FRAS1: variants seen among roughly 807,000 people sequenced by gnomAD.
The protein encoded by FRAS1 is Fraser extracellular matrix complex subunit 1.
In FRAS1, 290 loss-of-function variants were observed where a neutral mutation model predicts 435.2. The observed-to-expected ratio is 0.67, with a 90% CI of 0.61 to 0.73. FRAS1 has a LOEUF of 0.73. FRAS1 is among the 30% of genes least tolerant of loss of function. The pLI is 0.00. For synonymous variants in FRAS1, 1,800 were observed against 1,851.0 expected, an observed-to-expected ratio of 0.97 and a Z score of 0.71; for missense variants, 4,860 against 5,001.5, an observed-to-expected ratio of 0.97 and a Z score of 0.85.
chr4:78,449,675 C>G (rs79839398), intron 44 of FRAS1, among the ~76,000 whole-genome samples: 3,941 of 152,236 alleles, frequency 0.026, 172 homozygotes, highest in African/African-American at 0.09. Flanking sequence ...ATCCTCTGTC[C>G]TGAAGGATGC....
Position 78,541,138 on chromosome 4 carries a change from T to C in FRAS1, c.*14T>C. 7.6e-7 allele frequency: 1 copy of C among 1,309,016 alleles called. No homozygotes were observed. Among genetic ancestry groups the C allele is most frequent in the African/African-American group, 1.5e-5 (1 of 67,054 alleles). The allele number at this position is 1,309,016 out of a possible 1,614,324, so 81.1% of individuals were successfully genotyped here. On this transcript the variant is annotated 3_prime_UTR_variant, in exon 74 of 74. Coordinates refer to ENST00000512123, the MANE Select transcript of FRAS1 (RefSeq NM_025074.7). ...ACAGAAGTTTAATGGAGGAGACCTATGTGTATTTTTTTCTAAAATCATTTT... is the reference window on the plus strand; with the variant it reads ...ACAGAAGTTTAATGGAGGAGACCTACGTGTATTTTTTTCTAAAATCATTTT...
chr4:78,454,930 G>A (rs1368893342), intron 47 of FRAS1, among the ~76,000 whole-genome samples: 1 of 152,182 alleles, frequency 6.6e-6, no homozygotes, highest in Non-Finnish European at 1.5e-5. Context: ...CCTCCTCCTG[G>A]AACAGCACCC....
chr4:78,526,764 G>C (rs1721546235), intron 70 of FRAS1, 107 bp downstream of exon 70: 1 of 691,540 alleles, frequency 1.4e-6, no homozygotes, highest in Non-Finnish European at 2.4e-6. Context: ...TGCTTTCATA[G>C]TCATTCACTG....
At chr4:78,490,624 T>C (rs1560410351) in intron 59 of FRAS1, among the ~76,000 whole-genome samples, 1 of 152,108 alleles carries the variant, frequency 6.6e-6, no homozygotes, top group Non-Finnish European at 1.5e-5. Flanking sequence ...AAACACAACA[T>C]ACCAGAATCC....
chr4:78,434,169 A>G (rs1734324193), intron 38 of FRAS1, among the ~76,000 whole-genome samples: 3 of 152,224 alleles, frequency 2.0e-5, no homozygotes, highest in Non-Finnish European at 1.5e-5. Flanking sequence ...GGGGCAGAGT[A>G]TAAAGGTTTA....
chr4:78,247,504 T>C (rs1179443671), intron 4 of FRAS1, among the ~76,000 whole-genome samples: 2 of 152,150 alleles, frequency 1.3e-5, no homozygotes, highest in Non-Finnish European at 2.9e-5. Flanking sequence ...AAAATAATTA[T>C]GTTTCTTGTC....
At chr4:78,217,734 C>T (rs1027868560) in intron 2 of FRAS1, among the ~76,000 whole-genome samples, 8 of 151,926 alleles carry the variant, frequency 5.3e-5, no homozygotes, top group South Asian at 2.1e-4. Flanking sequence ...ATTCAATGGA[C>T]GGTAGCTATG....
intron 18 of FRAS1, among the ~76,000 whole-genome samples, chr4:78,331,941 G>A (rs913239467): frequency 6.6e-6 from 1 of 152,160 alleles, no homozygotes; most frequent in Non-Finnish European, 1.5e-5. Flanking sequence ...GCACCTCATA[G>A]CATAAAAGGC....
At chr4:78,300,760 T>A (rs1728351234) in intron 14 of FRAS1, among the ~76,000 whole-genome samples, 1 of 152,098 alleles carries the variant, frequency 6.6e-6, no homozygotes, top group African/African-American at 2.4e-5. Flanking sequence ...CAGCCATGAT[T>A]CATGCCATGG....
At chr4:78,370,957 C>T (rs1429114314) in intron 23 of FRAS1, among the ~76,000 whole-genome samples, 2 of 152,154 alleles carry the variant, frequency 1.3e-5, no homozygotes, top group Non-Finnish European at 2.9e-5. Flanking sequence ...GGTGGTCAAA[C>T]ATCTGTCAAG....
intron 51 of FRAS1, 107 bp from the exon 52 acceptor site, chr4:78,472,073 A>G (rs1719724951): frequency 8.5e-7 from 1 of 1,173,768 alleles, no homozygotes; most frequent in Non-Finnish European, 1.2e-6. Context: ...CCATGCAGTA[A>G]ATACACTCAG....
At chr4:78,241,737 G>A (rs1725011546) in intron 3 of FRAS1, among the ~76,000 whole-genome samples, 1 of 152,152 alleles carries the variant, frequency 6.6e-6, no homozygotes, top group South Asian at 2.1e-4. Flanking sequence ...AAACCAGGAG[G>A]CCCAGGTTCA....
intron 72 of FRAS1, among the ~76,000 whole-genome samples, chr4:78,538,880 A>G (rs1036482920): frequency 2.0e-5 from 3 of 151,424 alleles, no homozygotes; most frequent in Admixed American, 6.6e-5. Flanking sequence ...GCATGAACCC[A>G]GGAGGTGGAG....
At chr4:78,258,141 G>A (rs573010374) in intron 6 of FRAS1, among the ~76,000 whole-genome samples, 1 of 152,154 alleles carries the variant, frequency 6.6e-6, no homozygotes, top group South Asian at 2.1e-4. Flanking sequence ...AGGAGTTCGA[G>A]ACCATCCTGG....
chr4:78,409,701 C>T (rs1490896597), intron 31 of FRAS1, among the ~76,000 whole-genome samples: 1 of 151,972 alleles, frequency 6.6e-6, no homozygotes, highest in Non-Finnish European at 1.5e-5. Context: ...GCACAGATAC[C>T]AAGAAGAATT....
intron 2 of FRAS1, chr4:78,180,982 C>T: frequency 1.9e-6 from 3 of 1,610,788 alleles, no homozygotes; most frequent in Non-Finnish European, 1.7e-6. Context: ...CCTTGTCCTC[C>T]CCTGCCGCCA....
chr4:78,221,122 C>T (rs1306513430), intron 2 of FRAS1, among the ~76,000 whole-genome samples: 1 of 152,160 alleles, frequency 6.6e-6, no homozygotes, highest in Non-Finnish European at 1.5e-5. Context: ...GAGCTGAGAT[C>T]ACGCCACTGC....
At chr4:78,486,828 C>CT (rs1310753970) in intron 58 of FRAS1, among the ~76,000 whole-genome samples, 1 of 109,398 alleles carries the variant, frequency 9.1e-6, no homozygotes, top group Non-Finnish European at 1.8e-5. Flanking sequence ...TTCTCTCTCT[C>CT]TATTTTTTTT....
intron 2 of FRAS1, among the ~76,000 whole-genome samples, chr4:78,112,257 TAGCTG>T (rs1253227731): frequency 9.2e-5 from 14 of 152,130 alleles, no homozygotes; most frequent in Admixed American, 1.3e-4. Flanking sequence ...TGTCAAAAGC[TAGCTG>T]AAAAAAATGA....
Sources: gnomAD v4.1 joint callset for allele counts (sites outside exome capture counted in the v4.1 genomes callset) on GRCh38, gnomAD v4.1.1 for gene constraint, MANE v1.5 for transcripts, NCBI Gene and HGNC (gene_info 2026-07-23, HGNC 2026-07-21) for gene names.